Variants in LRIF1 observed in about 807,000 individuals in gnomAD.
LRIF1 encodes the protein ligand-dependent nuclear receptor-interacting factor 1.
Under a neutral mutation model 52.7 loss-of-function variants are expected in LRIF1, and 32 were observed. The observed-to-expected ratio is 0.61, with a 90% CI of 0.46 to 0.82. LRIF1 has a LOEUF of 0.82. Among genes scored for constraint, LRIF1 ranks in the 40% least tolerant of loss-of-function variants. LRIF1 has a pLI of 0.00. For missense variants in LRIF1, 887 were observed against 892.0 expected (o/e 0.99, Z 0.07); for synonymous variants, 323 against 317.4 (o/e 1.02, Z -0.19).
At chr1:110,961,834 C>T (rs1037215877) in intron 1 of LRIF1, among the ~76,000 whole-genome samples, 23 of 152,082 alleles carry the variant, frequency 1.5e-4, no homozygotes, top group Middle Eastern at 3.4e-3. Context: ...GAATCAAATA[C>T]GCAACCATTA....
the LRIF1 span, among the ~76,000 whole-genome samples, chr1:110,889,450 C>A: frequency 6.6e-6 from 1 of 151,862 alleles, no homozygotes; most frequent in Non-Finnish European, 1.5e-5. Flanking sequence ...CCCAGCTACT[C>A]GGGAGGCTGA....
chr1:110,921,695 A>G, the LRIF1 span, among the ~76,000 whole-genome samples: 248 of 152,350 alleles, frequency 1.6e-3, 1 homozygote, highest in Non-Finnish European at 2.8e-3. Context: ...AGACAAGTAG[A>G]TAATTATAGT....
chr1:110,913,394 T>C, the LRIF1 span, among the ~76,000 whole-genome samples: 1 of 152,042 alleles, frequency 6.6e-6, no homozygotes, highest in Non-Finnish European at 1.5e-5. Flanking sequence ...AGAGAAAACA[T>C]TTGCAAACTA....
the LRIF1 span, among the ~76,000 whole-genome samples, chr1:110,907,158 C>T: frequency 4.6e-5 from 7 of 152,104 alleles, no homozygotes; most frequent in African/African-American, 1.7e-4. Flanking sequence ...TAGCCAAATC[C>T]CCCTTTTGAG....
At chr1:110,939,917 T>C in the LRIF1 span, 1 of 152,194 alleles carries the variant, frequency 6.6e-6, no homozygotes, top group Admixed American at 6.5e-5. Flanking sequence ...TCCAGGACAT[T>C]TGTCTGAGCA....
At chr1:110,923,633 C>G in the LRIF1 span, among the ~76,000 whole-genome samples, 1 of 151,992 alleles carries the variant, frequency 6.6e-6, no homozygotes, top group African/African-American at 2.4e-5. Flanking sequence ...AAGAAATAAA[C>G]AATGGCAATT....
At chr1:110,887,214 C>T in the LRIF1 span, among the ~76,000 whole-genome samples, 1 of 152,048 alleles carries the variant, frequency 6.6e-6, no homozygotes, top group Admixed American at 6.5e-5. Flanking sequence ...CAGGCGCCCA[C>T]CACCACGCCT....
chr1:110,931,025 T>A, the LRIF1 span, among the ~76,000 whole-genome samples: 2 of 152,080 alleles, frequency 1.3e-5, no homozygotes, highest in Non-Finnish European at 2.9e-5. Context: ...AGGGTACATG[T>A]GCACAACATG....
At chr1:110,896,800 G>A in the LRIF1 span, 1 of 1,389,298 alleles carries the variant, frequency 7.2e-7, no homozygotes, top group Non-Finnish European at 1.0e-6. Flanking sequence ...CTCGGAAACT[G>A]CAGTCATAGA....
the LRIF1 span, among the ~76,000 whole-genome samples, chr1:110,902,768 AG>A: frequency 6.6e-6 from 1 of 152,232 alleles, no homozygotes; most frequent in African/African-American, 2.4e-5. Context: ...TCCCCATCCA[AG>A]GACACCAATT....
At chr1:110,903,400 G>A in the LRIF1 span, among the ~76,000 whole-genome samples, 1 of 152,210 alleles carries the variant, frequency 6.6e-6, no homozygotes, top group African/African-American at 2.4e-5. Context: ...AGGGAAGAGA[G>A]AGGAGGACTT....
chr1:110,910,739 C>T, the LRIF1 span, among the ~76,000 whole-genome samples: 1 of 152,142 alleles, frequency 6.6e-6, no homozygotes, highest in South Asian at 2.1e-4. Context: ...AAACAACCTG[C>T]TCCTGATGAC....
At chr1:110,944,894 CTG>C (rs1303891525), downstream of LRIF1, 5 of 133,748 alleles carry the variant, frequency 3.7e-5, no homozygotes, top group East Asian at 2.4e-4. Context: ...CTCAAGGTTG[CTG>C]TTTTTTTTTT....
At chr1:110,957,165 C>T (rs980662559) in intron 1 of LRIF1, among the ~76,000 whole-genome samples, 1 of 151,936 alleles carries the variant, frequency 6.6e-6, no homozygotes, top group Non-Finnish European at 1.5e-5. Flanking sequence ...TCCTTAAAGA[C>T]TGCAACAATT....
chr1:110,906,485 A>T, the LRIF1 span, among the ~76,000 whole-genome samples: 1 of 152,208 alleles, frequency 6.6e-6, no homozygotes, highest in Non-Finnish European at 1.5e-5. Context: ...TCAAGGCTGC[A>T]GTGAGCCACG....
chr1:110,923,199 C>G, the LRIF1 span, among the ~76,000 whole-genome samples: 3 of 152,114 alleles, frequency 2.0e-5, no homozygotes, highest in Non-Finnish European at 4.4e-5. Flanking sequence ...ACTCTGGAGG[C>G]TGAGGCAGGA....
the LRIF1 span, among the ~76,000 whole-genome samples, chr1:110,912,467 C>T: frequency 6.6e-6 from 1 of 152,182 alleles, no homozygotes; most frequent in Admixed American, 6.5e-5. Context: ...TTGCCTCAGC[C>T]TCCTGAAGGG....
At chr1:110,942,783 A>G (rs758287912), downstream of LRIF1, among the ~76,000 whole-genome samples, 5 of 152,108 alleles carry the variant, frequency 3.3e-5, no homozygotes, top group Non-Finnish European at 7.4e-5. Context: ...TGGGTGGGTA[A>G]TAACCAGAAG....
the LRIF1 span, among the ~76,000 whole-genome samples, chr1:110,912,314 C>T: frequency 6.6e-6 from 1 of 152,074 alleles, no homozygotes; most frequent in Non-Finnish European, 1.5e-5. Flanking sequence ...TGGGTTCAAG[C>T]GATTCTCATG....
Sources: allele counts gnomAD v4.1 joint callset (sites outside exome capture counted in the v4.1 genomes callset), GRCh38; gene constraint gnomAD v4.1.1; transcripts MANE v1.5; gene names NCBI Gene and HGNC (gene_info 2026-07-23, HGNC 2026-07-21).